MACROD2: variants seen among roughly 807,000 people sequenced by gnomAD.
MACROD2 encodes the protein ADP-ribose glycohydrolase MACROD2.
MACROD2 carries 36 observed loss-of-function variants against 70.4 expected under a neutral mutation model. The ratio of observed to expected loss-of-function variants is 0.51; its 90% CI spans 0.39 to 0.68. MACROD2 has a LOEUF of 0.68. MACROD2 is among the 30% of genes least tolerant of loss of function. The probability of loss-of-function intolerance (pLI) is 0.00; values close to 1 mark genes in which losing one functional copy is unlikely to be tolerated. For missense variants in MACROD2, 496 were observed against 538.4 expected (o/e 0.92, Z 0.78); for synonymous variants, 172 against 178.8 (o/e 0.96, Z 0.30).
At chr20:16,038,734 A>G (rs2067268427) in intron 15 of MACROD2, among the ~76,000 whole-genome samples, 1 of 151,796 alleles carries the variant, frequency 6.6e-6, no homozygotes, top group Non-Finnish European at 1.5e-5. Flanking sequence ...GTTTTCAGTG[A>G]CTTGTTCTTG....
chr20:15,497,568 G>C (rs1363709204), intron 7 of MACROD2, among the ~76,000 whole-genome samples: 2 of 151,984 alleles, frequency 1.3e-5, no homozygotes, highest in Non-Finnish European at 1.5e-5. Context: ...GGAGTTACAG[G>C]CGTGAGCCAC....
chr20:14,826,083 T>A (rs1024641210), intron 5 of MACROD2, among the ~76,000 whole-genome samples: 1 of 152,088 alleles, frequency 6.6e-6, no homozygotes, highest in Admixed American at 6.6e-5. Context: ...CTAGAGACAA[T>A]AAAAGTAATG....
At chr20:14,021,311 A>G (rs2053076693) in intron 2 of MACROD2, among the ~76,000 whole-genome samples, 1 of 152,146 alleles carries the variant, frequency 6.6e-6, no homozygotes, top group African/African-American at 2.4e-5. Flanking sequence ...CTTATTTCCC[A>G]AAGAGCCTCA....
chr20:15,241,175 A>G (rs2077056845), intron 6 of MACROD2, among the ~76,000 whole-genome samples: 2 of 152,226 alleles, frequency 1.3e-5, no homozygotes, highest in African/African-American at 4.8e-5. Context: ...GTGAGGCTAT[A>G]AAGAAGGAAT....
intron 3 of MACROD2, among the ~76,000 whole-genome samples, chr20:14,165,380 G>A (rs539306891): frequency 6.6e-6 from 1 of 152,146 alleles, no homozygotes; most frequent in Non-Finnish European, 1.5e-5. Context: ...GCTCCCAGCT[G>A]ATCTCAGTCA....
chr20:14,764,248 T>C lies in MACROD2; in HGVS notation c.418+79289T>C, dbSNP rs546571508. Among the ~76,000 whole-genome samples, 716 of 152,190 alleles carry C rather than the reference T, an allele frequency of 4.7e-3. 3 individuals carry two copies. The highest frequency in any genetic ancestry group is 7.3e-3 in the Non-Finnish European group (497 of 68,018). ...GTATTCCTCCAGGACTATGGTCCTG[T>C]CCAGAGTCCCCTCCTTCATGGAGCC... On this transcript the variant is annotated intron_variant, in intron 5 of 17. Coordinates refer to ENST00000684519, the MANE Select transcript of MACROD2 (RefSeq NM_001351661.2).
chr20:15,359,930 A>C (rs1249796079), intron 6 of MACROD2, among the ~76,000 whole-genome samples: 2 of 152,132 alleles, frequency 1.3e-5, no homozygotes, highest in East Asian at 3.8e-4. Flanking sequence ...TCCTGTAACC[A>C]CTACTAAACA....
At chr20:14,292,067 A>G (rs1423462009) in intron 3 of MACROD2, among the ~76,000 whole-genome samples, 2 of 151,930 alleles carry the variant, frequency 1.3e-5, no homozygotes, top group Non-Finnish European at 2.9e-5. Flanking sequence ...TCAGAATTGT[A>G]GGACCTACAG....
intron 8 of MACROD2, among the ~76,000 whole-genome samples, chr20:15,539,768 A>G (rs978626425): frequency 1.3e-5 from 2 of 152,314 alleles, no homozygotes; most frequent in Admixed American, 6.5e-5. Flanking sequence ...CAGGTGGATC[A>G]TGAGGTCAGG....
chr20:15,274,651 G>A (rs1323040584), intron 6 of MACROD2, among the ~76,000 whole-genome samples: 1 of 152,188 alleles, frequency 6.6e-6, no homozygotes, highest in African/African-American at 2.4e-5. Context: ...CATTCAGTAG[G>A]TATTCAACGC....
intron 6 of MACROD2, among the ~76,000 whole-genome samples, chr20:15,355,264 G>A (rs182245962): frequency 2.4e-4 from 36 of 152,254 alleles, no homozygotes; most frequent in African/African-American, 7.9e-4. Flanking sequence ...TAACCAACTG[G>A]CTATAAATAT....
At chr20:15,979,722 A>T (rs570975098) in intron 13 of MACROD2, among the ~76,000 whole-genome samples, 3 of 152,216 alleles carry the variant, frequency 2.0e-5, no homozygotes, top group African/African-American at 2.4e-5. Context: ...AATGTTTTAA[A>T]TGCTACAGGG....
At chr20:15,784,395 A>G (rs530282814) in intron 8 of MACROD2, among the ~76,000 whole-genome samples, 4 of 152,142 alleles carry the variant, frequency 2.6e-5, no homozygotes, top group Non-Finnish European at 4.4e-5. Flanking sequence ...TTGAAGCCAG[A>G]TGCCCCAACA....
intron 8 of MACROD2, among the ~76,000 whole-genome samples, chr20:15,729,474 G>A (rs1421470202): frequency 2.6e-5 from 4 of 152,130 alleles, no homozygotes; most frequent in African/African-American, 9.7e-5. Context: ...GTCTAATAAT[G>A]TCAGTGGGGT....
In MACROD2 at chr20:15,002,089, C is replaced by G. The variant is rs553348005; in HGVS notation, c.419-227851C>G. On this transcript the variant is annotated intron_variant, in intron 5 of 17. Coordinates refer to ENST00000684519, the MANE Select transcript of MACROD2 (RefSeq NM_001351661.2). ...GCTATAAACATGCATGCACAACTAT[C>G]TTTTTCATATAATGACTTCTTGTCC... 5.3e-5 allele frequency among the ~76,000 whole-genome samples: 8 copies of G among 152,292 alleles called. 1 individual carries two copies. The South Asian group carries it at 1.2e-3, about 24-fold the overall frequency.
chr20:14,342,538 C>T (rs967068876), intron 3 of MACROD2, among the ~76,000 whole-genome samples: 2 of 152,120 alleles, frequency 1.3e-5, no homozygotes, highest in African/African-American at 4.8e-5. Context: ...AGAGAGTGCA[C>T]TATCTGTAAT....
intron 3 of MACROD2, among the ~76,000 whole-genome samples, chr20:14,258,781 CCCTAAG>C (rs1243819045): frequency 6.6e-6 from 1 of 151,984 alleles, no homozygotes; most frequent in Non-Finnish European, 1.5e-5. Context: ...CATGAACTCT[CCCTAAG>C]CCAACGTCTA....
At chr20:15,662,986 C>CTTACCTTTA (rs5840680) in intron 8 of MACROD2, among the ~76,000 whole-genome samples, 83,039 of 151,282 alleles carry the variant, frequency 0.55, 23,198 homozygotes, top group East Asian at 0.82. Flanking sequence ...TCAAAAATAA[C>CTTACCTTTA]TTATTTTTGC....
chr20:15,098,585 T>C (rs2075850509), intron 5 of MACROD2, among the ~76,000 whole-genome samples: 1 of 152,206 alleles, frequency 6.6e-6, no homozygotes, highest in Non-Finnish European at 1.5e-5. Flanking sequence ...TCTAACACTA[T>C]GCGAGGCATC....
Sources: gnomAD v4.1 joint callset for allele counts (sites outside exome capture counted in the v4.1 genomes callset) on GRCh38, gnomAD v4.1.1 for gene constraint, MANE v1.5 for transcripts, NCBI Gene and HGNC (gene_info 2026-07-23, HGNC 2026-07-21) for gene names.